Variants in MRPS35 observed in about 807,000 individuals in gnomAD.
MRPS35 encodes the protein mitochondrial ribosomal protein S35, also known as small ribosomal subunit protein mS35.
MRPS35 carries 29 observed loss-of-function variants against 32.7 expected under a neutral mutation model. That is an observed-to-expected ratio of 0.89 (90% confidence interval 0.66 to 1.21). The LOEUF (loss-of-function observed/expected upper bound fraction) is 1.21, where lower values mean the gene tolerates loss of function less well. Among genes scored for constraint, MRPS35 ranks in the 50% most tolerant of loss-of-function variants. The pLI is 0.00. For missense variants in MRPS35, 373 were observed against 383.8 expected (o/e 0.97, Z 0.23); for synonymous variants, 148 against 139.3 (o/e 1.06, Z -0.44).
At chr12:27,749,173 CT>C (rs536264411) in intron 7 of MRPS35, among the ~76,000 whole-genome samples, 1 of 151,742 alleles carries the variant, frequency 6.6e-6, no homozygotes, top group East Asian at 1.9e-4. Context: ...TAATTTCCAT[CT>C]TTTCTATGAA....
chr12:27,753,249 G>A (rs1015243648), intron 7 of MRPS35, among the ~76,000 whole-genome samples: 1 of 152,146 alleles, frequency 6.6e-6, no homozygotes, highest in Non-Finnish European at 1.5e-5. Flanking sequence ...CATCTTACTG[G>A]TTTCCCTTGA....
At chr12:27,739,326 T>C (rs2061954705) in intron 7 of MRPS35, among the ~76,000 whole-genome samples, 1 of 152,246 alleles carries the variant, frequency 6.6e-6, no homozygotes, top group Non-Finnish European at 1.5e-5. Context: ...GAATAGGTAG[T>C]TAAATTCCAT....
In MRPS35 at chr12:27,712,236, C is replaced by A. The variant is rs183964072; in HGVS notation, c.112+1281C>A. Among the ~76,000 whole-genome samples, 5 of 152,016 alleles carry A rather than the reference C, an allele frequency of 3.3e-5. No homozygotes were observed. The East Asian group carries it at 9.7e-4, about 29-fold the overall frequency. ...CAATCTGAGGGGTGTGATCAAGGAA[C>A]GGGAAGAAGGACAATGTGGCAGGAG... On this transcript the variant is annotated intron_variant, in intron 1 of 7. Transcript: ENST00000081029.
At chr12:27,748,438 G>GTGTGTGT (rs148534082) in intron 7 of MRPS35, among the ~76,000 whole-genome samples, 1 of 145,972 alleles carries the variant, frequency 6.9e-6, no homozygotes, top group African/African-American at 2.5e-5. Flanking sequence ...AAAGAAAAGT[G>GTGTGTGT]GTGTGTGTGT....
In MRPS35 at chr12:27,724,826, T is replaced by G. The variant is rs571611107; in HGVS notation, c.522+640T>G. On this transcript the variant is annotated intron_variant, in intron 5 of 7. Transcript: ENST00000081029. The stretch of plus-strand genomic sequence containing the variant: ...TATAGTAGCTCATTTTAGTATATAG[T>G]CACAGCCTGCCTTTGTGTATATTAA... Among the ~76,000 whole-genome samples the G allele has an allele frequency of 8.5e-5, 13 of 152,310 alleles. No individual in the cohort carries two copies. The East Asian group carries it at 2.3e-3, about 27-fold the overall frequency.
intron 5 of MRPS35, among the ~76,000 whole-genome samples, chr12:27,726,110 C>A (rs184273570): frequency 6.6e-6 from 1 of 151,590 alleles, no homozygotes; most frequent in South Asian, 2.1e-4. Context: ...ACTACAGGGC[C>A]GTTGTTTCTT....
intron 7 of MRPS35, among the ~76,000 whole-genome samples, chr12:27,752,260 T>C (rs568402787): frequency 5.9e-5 from 9 of 152,162 alleles, no homozygotes; most frequent in Non-Finnish European, 1.2e-4. Flanking sequence ...CTGCCAGTAT[T>C]CGAGGCTCAC....
rs771312353 is a variant in MRPS35, at chr12:27,714,827, A to C, written c.153+7A>C. The stretch of plus-strand genomic sequence containing the variant: ...AAGGCCACCAAGAAGAAAGGTAAAA[A>C]GTTCGTATACTCTACTATCTTAATG... On this transcript the variant is annotated splice_region_variant and intron_variant, in intron 2 of 7. Coordinates refer to ENST00000081029, the MANE Select transcript of MRPS35 (RefSeq NM_021821.4). 37 of 1,609,614 alleles carry C rather than the reference A, an allele frequency of 2.3e-5. No individual in the cohort carries two copies. Among genetic ancestry groups the C allele is most frequent in the Non-Finnish European group, 1.7e-6 (2 of 1,176,374 alleles).
At chr12:27,714,880 T>A in intron 2 of MRPS35, 60 bp downstream of exon 2, 1 of 1,435,988 alleles carries the variant, frequency 7.0e-7, no homozygotes, top group Non-Finnish European at 9.7e-7. Context: ...ATGAGGCAGA[T>A]ATTCATTATA....
chr12:27,741,817 C>A (rs982522485), intron 7 of MRPS35, among the ~76,000 whole-genome samples: 6 of 152,148 alleles, frequency 3.9e-5, no homozygotes, highest in Admixed American at 3.3e-4. Flanking sequence ...AATCAAATTT[C>A]AGAGATTCAT....
intron 5 of MRPS35, among the ~76,000 whole-genome samples, chr12:27,731,055 T>A (rs933912322): frequency 1.3e-5 from 2 of 152,226 alleles, no homozygotes; most frequent in African/African-American, 4.8e-5. Flanking sequence ...GATATTTATT[T>A]TACACTATGT....
At position 27,735,568 on chromosome 12, in the gene MRPS35, A is replaced by C; in HGVS notation, c.632+12A>C. 6.3e-7 allele frequency: 1 copy of C among 1,588,752 alleles called. No individual in the cohort carries two copies. Among genetic ancestry groups the C allele is most frequent in the Non-Finnish European group, 8.6e-7 (1 of 1,159,992 alleles). Reference sequence around the variant, plus strand: ...ATCAAAACAGATAGGTAATGGAAAAAATGTTCAGCCGACTGGTCACGTGTG... The same window carrying C: ...ATCAAAACAGATAGGTAATGGAAAACATGTTCAGCCGACTGGTCACGTGTG... On this transcript the variant is annotated intron_variant, in intron 6 of 7. Transcript: ENST00000081029.
chr12:27,744,736 G>T (rs983523102), intron 7 of MRPS35, among the ~76,000 whole-genome samples: 1 of 152,158 alleles, frequency 6.6e-6, no homozygotes, highest in Non-Finnish European at 1.5e-5. Flanking sequence ...TTAGTGGTTG[G>T]CCAGTAATGG....
At chr12:27,718,141 C>A (rs1469532198) in intron 3 of MRPS35, among the ~76,000 whole-genome samples, 1 of 152,110 alleles carries the variant, frequency 6.6e-6, no homozygotes, top group African/African-American at 2.4e-5. Context: ...ACAATATTTT[C>A]TGGCCAGGTG....
At chr12:27,739,287 T>C (rs1038109721) in intron 7 of MRPS35, among the ~76,000 whole-genome samples, 1 of 152,194 alleles carries the variant, frequency 6.6e-6, no homozygotes, top group African/African-American at 2.4e-5. Context: ...GGCCACTTAG[T>C]GAAGATAGGC....
chr12:27,735,553 A>C lies in MRPS35; in HGVS notation c.629A>C (p.Asp210Ala), dbSNP rs761866455. The C allele has an allele frequency of 6.2e-7, 1 of 1,606,088 alleles. No individual in the cohort carries two copies. Among genetic ancestry groups the C allele is most frequent in the Non-Finnish European group, 8.5e-7 (1 of 1,175,386 alleles). Residue 210 changes from aspartate to alanine, a missense_variant, in exon 6 of 8, where the codon GAT (aspartate) becomes GCT (alanine). Physicochemically the swap from Asp to Ala is moderately radical, Grantham distance 126. Transcript: ENST00000081029. ...KTTDVLTIKT[D>A]RCPLRRQNYD... is the part of the protein sequence containing the mutation. Reference sequence around the variant, plus strand: ...ACAGATGTGCTTACCATCAAAACAGATAGGTAATGGAAAAAATGTTCAGCC... The same window carrying C: ...ACAGATGTGCTTACCATCAAAACAGCTAGGTAATGGAAAAAATGTTCAGCC...
intron 7 of MRPS35, among the ~76,000 whole-genome samples, chr12:27,747,247 A>G (rs148986185): frequency 1.6e-3 from 241 of 152,248 alleles, no homozygotes; most frequent in Non-Finnish European, 2.4e-3. Flanking sequence ...GAATCTTTTA[A>G]TACACCTCAG....
chr12:27,742,238 AT>A (rs1302686152), intron 7 of MRPS35, among the ~76,000 whole-genome samples: 1 of 152,214 alleles, frequency 6.6e-6, no homozygotes, highest in African/African-American at 2.4e-5. Flanking sequence ...TTATGAGTTC[AT>A]TTTGATTGTG....
At chr12:27,722,544 C>T (rs1373354341) in intron 4 of MRPS35, among the ~76,000 whole-genome samples, 5 of 151,668 alleles carry the variant, frequency 3.3e-5, no homozygotes, top group African/African-American at 1.2e-4. Context: ...AAAAAAGAGT[C>T]AGTGCAAACC....
Sources: gnomAD v4.1 joint callset for allele counts (sites outside exome capture counted in the v4.1 genomes callset) on GRCh38, gnomAD v4.1.1 for gene constraint, MANE v1.5 for transcripts, NCBI Gene and HGNC (gene_info 2026-07-23, HGNC 2026-07-21) for gene names.